The following ZBED6 variants were observed in gnomAD, a reference collection of about 807,000 sequenced individuals.
ZBED6 encodes zinc finger BED domain-containing protein 6.
Under a neutral mutation model 58.4 loss-of-function variants are expected in ZBED6, and 40 were observed. The ratio of observed to expected loss-of-function variants is 0.68; its 90% CI spans 0.53 to 0.89. ZBED6 has a LOEUF of 0.89. Among genes scored for constraint, ZBED6 ranks in the 40% least tolerant of loss-of-function variants. The pLI is 0.00. For missense variants in ZBED6, 1,057 were observed against 1,003.9 expected (o/e 1.05, Z -0.71); for synonymous variants, 439 against 350.6 (o/e 1.25, Z -2.82).
chr1:203,814,641 G>A (rs1174283196), intron 1 of ZBED6, among the ~76,000 whole-genome samples: 1 of 152,114 alleles, frequency 6.6e-6, no homozygotes, highest in Non-Finnish European at 1.5e-5. Context: ...TTTAGCAGCA[G>A]TTTCTTCTAG....
intron 11 of ZBED6, among the ~76,000 whole-genome samples, chr1:203,843,399 A>G (rs747817598): frequency 3.9e-5 from 6 of 152,076 alleles, no homozygotes; most frequent in Non-Finnish European, 8.8e-5. Flanking sequence ...TTTGTATTAG[A>G]TAGATGTTGG....
intron 4 of ZBED6, 139 bp downstream of exon 4, chr1:203,828,561 G>C: frequency 9.1e-7 from 1 of 1,095,504 alleles, no homozygotes; most frequent in South Asian, 1.6e-5. Flanking sequence ...TAAGTGAACT[G>C]AATCTTATTA....
chr1:203,852,579 C>T (rs1182681229), exon 17 of ZBED6: 2 of 675,522 alleles, frequency 3.0e-6, no homozygotes, highest in African/African-American at 1.8e-5. Flanking sequence ...TTTAAAGTTA[C>T]TTTATAACCA....
At chr1:203,829,209 GTCT>G (rs1681483861) in intron 4 of ZBED6, 4 of 554,758 alleles carry the variant, frequency 7.2e-6, no homozygotes, top group Admixed American at 6.5e-5. Flanking sequence ...GCTTCTTCTA[GTCT>G]TCTGTTGATT....
At chr1:203,800,597 C>T in exon 1 of ZBED6, 1 of 698,638 alleles carries the variant, frequency 1.4e-6, no homozygotes, top group Non-Finnish European at 2.1e-6. Context: ...CTGAAAATTC[C>T]TCAGAGGCAA....
Position 203,849,692 on chromosome 1 carries a change from C to T in ZBED6, c.*4323-19C>T. 1 of 1,611,380 alleles carries T rather than the reference C, an allele frequency of 6.2e-7. No individual in the cohort carries two copies. Among genetic ancestry groups the T allele is most frequent in the Non-Finnish European group, 8.5e-7 (1 of 1,178,182 alleles). On this transcript the variant is annotated intron_variant, in intron 13 of 16. Transcript: ENST00000550078. ...TAGAGGTACCAGATTTTAATTCTGT[C>T]ATTCAAATTTATCCACAGGCTTCAG...
At chr1:203,811,390 AT>A (rs1360113241) in intron 1 of ZBED6, among the ~76,000 whole-genome samples, 1 of 152,202 alleles carries the variant, frequency 6.6e-6, no homozygotes, top group African/African-American at 2.4e-5. Flanking sequence ...CATAGCTACC[AT>A]TTCATTGTTT....
exon 14 of ZBED6, chr1:203,849,828 C>A: frequency 6.2e-7 from 1 of 1,614,002 alleles, no homozygotes; most frequent in Non-Finnish European, 8.5e-7. Flanking sequence ...CTTGACACCT[C>A]TTCGGGGAGA....
chr1:203,802,729 T>G (rs1472187459), exon 1 of ZBED6: 7 of 146,830 alleles, frequency 4.8e-5, no homozygotes, highest in Admixed American at 2.1e-4. Context: ...TTTTTGTTTT[T>G]TTTTTGTTTT....
exon 12 of ZBED6, chr1:203,847,315 A>G (rs764459087): frequency 2.5e-6 from 4 of 1,613,990 alleles, no homozygotes; most frequent in Non-Finnish European, 2.5e-6. Context: ...TGATGATTCT[A>G]CTTCAGGAGC....
rs985523000 is a variant in ZBED6, at chr1:203,808,775, C to T, written c.*2554+5759C>T. 2.0e-5 allele frequency among the ~76,000 whole-genome samples: 3 copies of T among 152,214 alleles called. No individual in the cohort carries two copies. In the South Asian group the frequency reaches 6.2e-4, roughly 32 times the overall value. ...AGGGGCTGGAAATTAGAGTCTTCAT[C>T]TTCGTCGTCGTCATCGCCATCTTCT... is the stretch of plus-strand genomic sequence containing the variant. On this transcript the variant is annotated intron_variant, in intron 1 of 16. Coordinates refer to ENST00000550078, the Ensembl canonical transcript of ZBED6.
At chr1:203,819,511 C>T (rs990979999) in intron 3 of ZBED6, among the ~76,000 whole-genome samples, 7 of 148,512 alleles carry the variant, frequency 4.7e-5, no homozygotes, top group African/African-American at 9.9e-5. Flanking sequence ...CGTGAGCCAC[C>T]GTGCCCAGCT....
chr1:203,840,687 T>C (rs1438402851), intron 11 of ZBED6, among the ~76,000 whole-genome samples: 1 of 151,854 alleles, frequency 6.6e-6, no homozygotes, highest in African/African-American at 2.4e-5. Context: ...AGGCTGGAGT[T>C]AAATGGCAAG....
intron 8 of ZBED6, among the ~76,000 whole-genome samples, chr1:203,833,119 C>G (rs12752055): frequency 6.6e-6 from 1 of 152,006 alleles, no homozygotes; most frequent in Non-Finnish European, 1.5e-5. Context: ...CCTGTAATCC[C>G]GGCACTTTGG....
intron 2 of ZBED6, among the ~76,000 whole-genome samples, chr1:203,817,518 G>C (rs552982630): frequency 1.9e-4 from 28 of 146,590 alleles, no homozygotes; most frequent in Middle Eastern, 7.3e-3. Flanking sequence ...AACTGTCATG[G>C]GTTGAATTTG....
exon 10 of ZBED6, chr1:203,837,999 T>G: frequency 6.2e-7 from 1 of 1,614,200 alleles, no homozygotes; most frequent in Non-Finnish European, 8.5e-7. Flanking sequence ...AAGCGTAGCC[T>G]GGCACAGAGG....
At chr1:203,849,384 T>A (rs1688729414) in intron 13 of ZBED6, among the ~76,000 whole-genome samples, 1 of 152,230 alleles carries the variant, frequency 6.6e-6, no homozygotes. Flanking sequence ...TTCTGGACAT[T>A]CAGATTTTGT....
chr1:203,813,355 C>T (rs1400702309), intron 1 of ZBED6, among the ~76,000 whole-genome samples: 1 of 152,066 alleles, frequency 6.6e-6, no homozygotes, highest in African/African-American at 2.4e-5. Context: ...CACAGGCATT[C>T]ACCACCATGC....
At chr1:203,826,752 A>G (rs1169696999) in intron 3 of ZBED6, among the ~76,000 whole-genome samples, 1 of 152,232 alleles carries the variant, frequency 6.6e-6, no homozygotes, top group Non-Finnish European at 1.5e-5. Flanking sequence ...GAGATTCGAC[A>G]TAATGCAGTT....
Sources: gnomAD v4.1 joint callset for allele counts (sites outside exome capture counted in the v4.1 genomes callset) on GRCh38, gnomAD v4.1.1 for gene constraint, MANE v1.5 for transcripts, NCBI Gene and HGNC (gene_info 2026-07-23, HGNC 2026-07-21) for gene names.